WWOX: variants seen among roughly 807,000 people sequenced by gnomAD.
The protein encoded by WWOX is WW domain containing oxidoreductase.
A neutral mutation model predicts 46.2 loss-of-function variants in WWOX; 69 were observed. The ratio of observed to expected loss-of-function variants is 1.49; its 90% CI spans 1.23 to 1.82. The LOEUF is 1.82. WWOX is among the 40% of genes most tolerant of loss of function. The pLI, the probability that WWOX is intolerant of heterozygous loss-of-function variation, is 0.00. For synonymous variants in WWOX, 359 were observed against 202.6 expected, an observed-to-expected ratio of 1.77 and a Z score of -6.56; for missense variants, 919 against 542.6, an observed-to-expected ratio of 1.69 and a Z score of -6.89.
intron 5 of WWOX, among the ~76,000 whole-genome samples, chr16:78,382,608 G>GT (rs1225527881): frequency 6.6e-6 from 1 of 152,174 alleles, no homozygotes; most frequent in Non-Finnish European, 1.5e-5. Context: ...TAAAGGGTTG[G>GT]TTTTGCCAAT....
intron 8 of WWOX, among the ~76,000 whole-genome samples, chr16:78,734,789 C>T (rs1181024005): frequency 6.8e-6 from 1 of 147,094 alleles, no homozygotes; most frequent in Non-Finnish European, 1.5e-5. Flanking sequence ...TAGACTGACC[C>T]TACTTCAAAG....
chr16:78,278,680 T>A (rs753358573), intron 5 of WWOX: 2 of 1,590,306 alleles, frequency 1.3e-6, no homozygotes, highest in East Asian at 2.2e-5. Context: ...AAATAAAAGA[T>A]CTTGAATAGT....
chr16:78,339,668 C>G (rs1311054786), intron 5 of WWOX, among the ~76,000 whole-genome samples: 3 of 118,806 alleles, frequency 2.5e-5, no homozygotes, highest in East Asian at 3.9e-4. Flanking sequence ...TGTTTCTGTT[C>G]CATCCTCATT....
chr16:78,681,571 A>G (rs538909264), intron 8 of WWOX, among the ~76,000 whole-genome samples: 36 of 151,222 alleles, frequency 2.4e-4, no homozygotes, highest in African/African-American at 8.0e-4. Flanking sequence ...GAAAAAGGGA[A>G]GAAGCAAAGG....
intron 8 of WWOX, among the ~76,000 whole-genome samples, chr16:79,122,035 A>C (rs1481940650): frequency 6.6e-6 from 1 of 152,106 alleles, no homozygotes; most frequent in Non-Finnish European, 1.5e-5. Context: ...ATTCCTTACA[A>C]CCCTGATGGG....
At chr16:79,077,490 T>C (rs891733245) in intron 8 of WWOX, 3 of 152,164 alleles carry the variant, frequency 2.0e-5, no homozygotes, top group African/African-American at 7.2e-5. Context: ...AACATAAGGA[T>C]GCAATTCACA....
Position 78,519,722 on chromosome 16 carries a change from G to A in WWOX, c.1056+86970G>A, listed in dbSNP as rs921423948. On this transcript the variant is annotated intron_variant, in intron 8 of 8. Coordinates refer to ENST00000566780, the MANE Select transcript of WWOX (RefSeq NM_016373.4). ...GCCTTTATAAAACAGACCCAAGAGA[G>A]ACCGTTATCCATTTTACCATGTGAG... is the stretch of plus-strand genomic sequence containing the variant. Among the ~76,000 whole-genome samples, 3 of 151,952 alleles carry A rather than the reference G, an allele frequency of 2.0e-5. No individual in the cohort carries two copies. The East Asian group carries it at 5.8e-4, about 29-fold the overall frequency.
intron 8 of WWOX, among the ~76,000 whole-genome samples, chr16:79,043,241 G>T (rs571460668): frequency 2.4e-4 from 37 of 152,116 alleles, no homozygotes; most frequent in Non-Finnish European, 4.6e-4. Flanking sequence ...CTGTGAGGGT[G>T]CCAGGAAACT....
intron 6 of WWOX, among the ~76,000 whole-genome samples, chr16:78,388,902 G>T (rs1597147907): frequency 6.6e-6 from 1 of 151,564 alleles, no homozygotes; most frequent in Non-Finnish European, 1.5e-5. Context: ...CCGGGAGGTG[G>T]AGGTTGCAGT....
At chr16:78,360,585 C>CAAAAAAGAA (rs2081387532) in intron 5 of WWOX, among the ~76,000 whole-genome samples, 1 of 86,546 alleles carries the variant, frequency 1.2e-5, no homozygotes, top group South Asian at 3.5e-4. Flanking sequence ...GACTCTGTCT[C>CAAAAAAGAA]AAAAAAAAAA....
At chr16:79,110,209 G>C (rs1365587464) in intron 8 of WWOX, among the ~76,000 whole-genome samples, 1 of 152,060 alleles carries the variant, frequency 6.6e-6, no homozygotes, top group African/African-American at 2.4e-5. Flanking sequence ...TTCACTGATT[G>C]GCAACCACCA....
intron 8 of WWOX, among the ~76,000 whole-genome samples, chr16:78,681,716 C>G (rs540187902): frequency 1.3e-5 from 2 of 152,298 alleles, no homozygotes; most frequent in South Asian, 2.1e-4. Context: ...CGTTAATTAC[C>G]TGAAGTGAAT....
Position 79,150,191 on chromosome 16 carries a change from G to C in WWOX, c.1057-61417G>C, listed in dbSNP as rs186528432. On this transcript the variant is annotated intron_variant, in intron 8 of 8. Transcript: ENST00000566780. ...AAAAATGAAAACTCTTCTTGTTAGA[G>C]GTAGAAGAGATCCTTTCCCAAACCA... is the stretch of plus-strand genomic sequence containing the variant. 4.9e-4 allele frequency among the ~76,000 whole-genome samples: 74 copies of C among 152,266 alleles called. No homozygotes were observed. The East Asian group carries it at 8.1e-3, about 17-fold the overall frequency.
chr16:79,043,837 A>T (rs970209006), intron 8 of WWOX, among the ~76,000 whole-genome samples: 16 of 152,264 alleles, frequency 1.1e-4, no homozygotes, highest in African/African-American at 3.4e-4. Context: ...CTTAGATGGG[A>T]TGTAGAGAGC....
At chr16:79,102,994 T>C (rs2049233028) in intron 8 of WWOX, among the ~76,000 whole-genome samples, 1 of 152,156 alleles carries the variant, frequency 6.6e-6, no homozygotes, top group African/African-American at 2.4e-5. Context: ...CCTCTTCTCC[T>C]TTCTCCTCAT....
chr16:78,819,607 C>T (rs2051437982), intron 8 of WWOX, among the ~76,000 whole-genome samples: 1 of 139,376 alleles, frequency 7.2e-6, no homozygotes, highest in South Asian at 2.2e-4. Flanking sequence ...TTGCAAGGAG[C>T]AGCACCTCTG....
chr16:78,365,881 A>C (rs954848325), intron 5 of WWOX, among the ~76,000 whole-genome samples: 1 of 152,124 alleles, frequency 6.6e-6, no homozygotes, highest in Non-Finnish European at 1.5e-5. Flanking sequence ...CCTTACAGAA[A>C]CATTATTTTG....
In WWOX at chr16:78,543,154, T is replaced by C. The variant is rs115164563; in HGVS notation, c.1056+110402T>C. ...ACAGTCCCTGAGGGACCCGGACTTA[T>C]AGAGTCTGTGATCTCACAGCTGCTA... On this transcript the variant is annotated intron_variant, in intron 8 of 8. Transcript: ENST00000566780. 5.3e-3 allele frequency among the ~76,000 whole-genome samples: 801 copies of C among 152,332 alleles called. 8 individuals are homozygous for C. The highest frequency in any genetic ancestry group is 0.017 in the African/African-American group (720 of 41,580).
chr16:78,710,607 A>G (rs1171814594), intron 8 of WWOX, among the ~76,000 whole-genome samples: 2 of 147,414 alleles, frequency 1.4e-5, no homozygotes, highest in African/African-American at 2.5e-5. Flanking sequence ...ATATACATAT[A>G]TGTGTATATA....
Sources: allele counts gnomAD v4.1 joint callset (sites outside exome capture counted in the v4.1 genomes callset), GRCh38; gene constraint gnomAD v4.1.1; transcripts MANE v1.5; gene names NCBI Gene and HGNC (gene_info 2026-07-23, HGNC 2026-07-21).